The following CFAP74 variants were observed in gnomAD, a reference collection of about 807,000 sequenced individuals.
The protein encoded by CFAP74 is cilia- and flagella-associated protein 74.
Under a neutral mutation model 188.9 loss-of-function variants are expected in CFAP74, and 124 were observed. The observed-to-expected ratio is 0.66, with a 90% CI of 0.57 to 0.76. The LOEUF is 0.76. Ranked by LOEUF, CFAP74 falls within the 30% of genes least tolerant of loss-of-function variation. The probability of loss-of-function intolerance (pLI) is 0.00; values close to 1 mark genes in which losing one functional copy is unlikely to be tolerated. For missense variants in CFAP74, 2,198 were observed against 2,165.2 expected (o/e 1.02, Z -0.30); for synonymous variants, 956 against 916.7 (o/e 1.04, Z -0.77).
At chr1:1,945,944 T>G (rs146268850) in intron 20 of CFAP74, among the ~76,000 whole-genome samples, 302 of 131,624 alleles carry the variant, frequency 2.3e-3, no homozygotes, top group African/African-American at 6.8e-3. Flanking sequence ...CACGTGTGTG[T>G]GGGGGCTCTG....
In CFAP74 at chr1:1,975,021, G is replaced by A. The variant is rs537345392; in HGVS notation, c.501-823C>T. On this transcript the variant is annotated intron_variant, in intron 6 of 38. Transcript: ENST00000682832. The surrounding 1 kb of genome is among the most constrained non-coding windows in gnomAD (Gnocchi z 4.5). ...TGCGGCTCAGGCCGGGGCTGGCCAC[G>A]CGAGGATCAGAACCCTGGACAAGGT... is the stretch of plus-strand genomic sequence containing the variant. 6.6e-6 allele frequency among the ~76,000 whole-genome samples: 1 copy of A among 152,228 alleles called. No homozygotes were observed.
chr1:1,965,035 C>T lies in CFAP74; in HGVS notation c.1428G>A (p.Lys476=). ...TGTCCATCTTTGTCCCGCCCACGGG[C>T]TTTCGGTCCACGTCCTCCTTGGGCA... is the stretch of plus-strand genomic sequence containing the variant. ...YQVPKEDVDR[K]PVGGTKMDKD... Residue 476 remains lysine, a synonymous_variant, in exon 13 of 39, where the codon AAG becomes AAA. Transcript: ENST00000682832. 6.2e-7 allele frequency: 1 copy of T among 1,613,602 alleles called. No homozygotes were observed. The highest frequency in any genetic ancestry group is 1.1e-5 in the South Asian group (1 of 91,068).
rs563435277 is a variant in CFAP74 at position 1,926,620 on chromosome 1, G to C, written c.3772+32C>G. 9.1e-6 allele frequency: 14 copies of C among 1,546,088 alleles called. No homozygotes were observed. In the Admixed American group the frequency reaches 2.0e-4, roughly 22 times the overall value. On this transcript the variant is annotated intron_variant, in intron 30 of 38. Coordinates refer to ENST00000682832, the MANE Select transcript of CFAP74 (RefSeq NM_001304360.2). ...AGGCGTGGGTGTGCCTGGGCACCGGGGTGGAGGTGTGGGCGGGGCTTAGCG... is the reference window on the plus strand; with the variant it reads ...AGGCGTGGGTGTGCCTGGGCACCGGCGTGGAGGTGTGGGCGGGGCTTAGCG...
At chr1:1,947,901 C>G (rs1178977457) in intron 18 of CFAP74, among the ~76,000 whole-genome samples, 1 of 152,048 alleles carries the variant, frequency 6.6e-6, no homozygotes, top group Admixed American at 6.5e-5. Flanking sequence ...TAGACGGAGT[C>G]TCGGTCTGTC....
At chr1:1,938,496 ACT>A (rs1404474321) in intron 25 of CFAP74, among the ~76,000 whole-genome samples, 3 of 140,954 alleles carry the variant, frequency 2.1e-5, no homozygotes, top group East Asian at 4.2e-4. Context: ...TGACAAACGC[ACT>A]CACACACCCC....
chr1:1,940,632 C>T (rs1035732514), intron 22 of CFAP74, among the ~76,000 whole-genome samples: 2 of 152,138 alleles, frequency 1.3e-5, no homozygotes, highest in African/African-American at 2.4e-5. Context: ...CAGTCACTCC[C>T]GGGAGCAACA....
Position 1,930,374 on chromosome 1 carries a change from GGCGTCCGTGT to G in CFAP74, c.3012-48_3012-39del, listed in dbSNP as rs1226041591. On this transcript the variant is annotated intron_variant, in intron 25 of 38. Coordinates refer to ENST00000682832, the MANE Select transcript of CFAP74 (RefSeq NM_001304360.2). The stretch of plus-strand genomic sequence containing the variant: ...GCATGGGAGGCCCTCAGCCGTGCAG[GGCGTCCGTGT>G]CCCTCTGCGGCAGGCGCGGGGGCCA... 5.9e-5 allele frequency: 88 copies of G among 1,483,724 alleles called. No individual in the cohort carries two copies. The Admixed American group carries it at 1.8e-3, about 30-fold the overall frequency. 91.9% of individuals were successfully genotyped at this position (1,483,724 alleles called of 1,614,324 possible).
Position 1,923,835 on chromosome 1 carries a change from G to A in CFAP74, c.4329C>T (p.Phe1443=). The change falls in exon 35 of 39, where the codon TTC becomes TTT. Residue 1443 remains phenylalanine (F), a synonymous_variant. Transcript: ENST00000682832. The surrounding 1 kb of genome is among the most constrained non-coding windows in gnomAD (Gnocchi z 6.3). ...AGTAGAGGCTTTCGTGGTCGGGGCT[G>A]AAGGTGACAGTGAAGTCTTGTGTCT... ...PGKTQDFTVT[F]SPDHESLYFS... 1 of 1,613,484 alleles carries A rather than the reference G, an allele frequency of 6.2e-7. No homozygotes were observed. The highest frequency in any genetic ancestry group is 8.5e-7 in the Non-Finnish European group (1 of 1,179,834).
chr1:1,962,541 T>A, intron 14 of CFAP74, among the ~76,000 whole-genome samples: 1 of 141,378 alleles, frequency 7.1e-6, no homozygotes, highest in Non-Finnish European at 1.5e-5. Context: ...GCAGAAAACA[T>A]GGAAAAGGCC....
intron 5 of CFAP74, among the ~76,000 whole-genome samples, chr1:1,985,852 C>T (rs959443304): frequency 6.6e-6 from 1 of 152,250 alleles, no homozygotes; most frequent in African/African-American, 2.4e-5. Context: ...GGGTCCCCTC[C>T]CTCCCTCCTG....
intron 25 of CFAP74, among the ~76,000 whole-genome samples, chr1:1,936,897 A>T (rs1278369731): frequency 7.5e-6 from 1 of 132,850 alleles, no homozygotes; most frequent in Non-Finnish European, 1.6e-5. Flanking sequence ...ACAGAGCAAG[A>T]CCCTGTCTCA....
chr1:1,927,866 G>A (rs1439482819), intron 27 of CFAP74, 120 bp from the exon 28 acceptor site: 8 of 1,212,088 alleles, frequency 6.6e-6, no homozygotes, highest in South Asian at 3.1e-5. Context: ...ATTGAATGTG[G>A]GGACGCAAAA....
intron 14 of CFAP74, 198 bp from the exon 15 acceptor site, chr1:1,960,228 G>GCA: frequency 1.7e-6 from 1 of 582,670 alleles, no homozygotes; most frequent in Admixed American, 3.7e-5. Flanking sequence ...GCAGGCAGGG[G>GCA]GCGCTCCAGT....
intron 24 of CFAP74, 121 bp downstream of exon 24, chr1:1,939,473 A>C (rs1653205833): frequency 2.1e-6 from 2 of 964,430 alleles, no homozygotes; most frequent in East Asian, 5.3e-5. Context: ...GGTGCAGCTG[A>C]GAGGCGGAAG....
rs201687693 is a variant in CFAP74 at position 1,955,756 on chromosome 1, G to T, written c.2111C>A (p.Ala704Glu). 2.4e-4 allele frequency: 382 copies of T among 1,614,070 alleles called. 1 individual carries two copies. In the Middle Eastern group the frequency reaches 7.6e-3, roughly 32 times the overall value. Residue 704 changes from alanine to glutamate, a missense_variant, in exon 18 of 39, where the codon GCG (alanine) becomes GAG (glutamate). By Grantham distance (107) the Ala-to-Glu change is moderately radical. Transcript: ENST00000682832. The stretch of plus-strand genomic sequence containing the variant: ...CAGCTCCTTCCGGCTCTGCATGTCC[G>T]CCTGGGAGGACTCCGTGCCCTCTAG... ...QQLEGTESSQ[A>E]DMQSRKELEK...
chr1:1,962,360 G>A (rs1192214478), intron 14 of CFAP74, among the ~76,000 whole-genome samples: 5 of 151,454 alleles, frequency 3.3e-5, no homozygotes, highest in African/African-American at 7.3e-5. Flanking sequence ...CCTGTTATCC[G>A]AGCTACTCAG....
chr1:1,948,570 T>C (rs941847163), intron 18 of CFAP74, among the ~76,000 whole-genome samples: 1 of 149,286 alleles, frequency 6.7e-6, no homozygotes, highest in Admixed American at 6.7e-5. Flanking sequence ...CTCCTTATTC[T>C]AGTCTTTTCT....
intron 1 of CFAP74, among the ~76,000 whole-genome samples, 181 bp from the exon 2 acceptor site, chr1:1,991,156 C>G (rs1657543049): frequency 6.6e-6 from 1 of 152,240 alleles, no homozygotes; most frequent in South Asian, 2.1e-4. Flanking sequence ...CTCCTATCAA[C>G]CACATGAAGT....
rs557021595 is a variant in CFAP74 at position 1,982,984 on chromosome 1, C to A, written c.500+2402G>T. ...AGGGAACCTGAGCCTCTCACTGTGC[C>A]CGAAAACGCCCACAGAGCGGCAGAC... On this transcript the variant is annotated intron_variant, in intron 6 of 38. Coordinates refer to ENST00000682832, the MANE Select transcript of CFAP74 (RefSeq NM_001304360.2). Among the ~76,000 whole-genome samples, 3 of 152,334 alleles carry A rather than the reference C, an allele frequency of 2.0e-5. No individual in the cohort carries two copies. The East Asian group carries it at 5.8e-4, about 29-fold the overall frequency.
Sources: gnomAD v4.1 joint callset for allele counts (sites outside exome capture counted in the v4.1 genomes callset) on GRCh38, gnomAD v4.1.1 for gene constraint, Gnocchi (gnomAD v3.1) non-coding constraint, MANE v1.5 for transcripts, NCBI Gene and HGNC (gene_info 2026-07-23, HGNC 2026-07-21) for gene names.